Variants in PROX1 observed in about 807,000 individuals in gnomAD.
The protein encoded by PROX1 is prospero homeobox 1.
A neutral mutation model predicts 58.8 loss-of-function variants in PROX1; 7 were observed. The ratio of observed to expected loss-of-function variants is 0.12; its 90% confidence interval spans 0.07 to 0.22. PROX1 has a LOEUF of 0.22. Ranked by LOEUF, PROX1 falls within the 10% of genes least tolerant of loss-of-function variation. The pLI is 1.00. For missense variants in PROX1, 675 were observed against 927.8 expected (o/e 0.73, Z 3.54); for synonymous variants, 350 against 358.3 (o/e 0.98, Z 0.26).
intron 1 of PROX1, chr1:213,989,703 C>T (rs1662952083): frequency 6.5e-6 from 1 of 152,754 alleles, no homozygotes. Context: ...GTTGATTCTT[C>T]TGGTGTGCCA....
At chr1:214,028,011 C>T (rs559974669) in intron 4 of PROX1, among the ~76,000 whole-genome samples, 3 of 151,792 alleles carry the variant, frequency 2.0e-5, no homozygotes, top group South Asian at 4.2e-4. Context: ...CATATTTAAA[C>T]AGCAAAACAT....
intron 3 of PROX1, 110 bp downstream of exon 3, chr1:214,005,382 G>T: frequency 1.2e-6 from 1 of 800,486 alleles, no homozygotes; most frequent in Non-Finnish European, 2.0e-6. Flanking sequence ...TCCTACACCT[G>T]TGTTATAATT....
chr1:214,023,754 G>T (rs1393717259), intron 4 of PROX1, among the ~76,000 whole-genome samples: 1 of 152,106 alleles, frequency 6.6e-6, no homozygotes, highest in African/African-American at 2.4e-5. Flanking sequence ...TATGGCTATT[G>T]CACCTAAGTT....
intron 2 of PROX1, among the ~76,000 whole-genome samples, chr1:214,000,562 G>A (rs1013695981): frequency 1.3e-5 from 2 of 151,990 alleles, no homozygotes; most frequent in African/African-American, 4.8e-5. Flanking sequence ...AAATAATGTC[G>A]GCCTCTCGTG....
At chr1:214,004,677 T>G (rs1273073870) in intron 2 of PROX1, among the ~76,000 whole-genome samples, 1 of 152,228 alleles carries the variant, frequency 6.6e-6, no homozygotes. Flanking sequence ...GAAACTTGCA[T>G]AGCAGTGTTC....
In PROX1 at chr1:213,996,569, C is replaced by T. The variant is rs1417147452; in HGVS notation, c.34C>T (p.Arg12Trp). Residue 12 changes from arginine to tryptophan, a missense_variant, in exon 2 of 5, where the codon CGG becomes TGG. By Grantham distance (101) the Arg-to-Trp change is moderately radical. Coordinates refer to ENST00000366958, the MANE Select transcript of PROX1 (RefSeq NM_001270616.2). ...PDHDSTALLS[R>W]QTKRRRVDIG... is the part of the protein sequence containing the mutation. ...CCATGACAGCACAGCCCTCTTAAGC[C>T]GGCAAACCAAGAGGAGAAGAGTTGA... 1.9e-6 allele frequency: 3 copies of T among 1,614,044 alleles called. No individual in the cohort carries two copies. Among genetic ancestry groups the T allele is most frequent in the Non-Finnish European group, 1.7e-6 (2 of 1,179,972 alleles).
At chr1:214,003,564 G>A (rs1663600558) in intron 2 of PROX1, among the ~76,000 whole-genome samples, 1 of 152,062 alleles carries the variant, frequency 6.6e-6, no homozygotes. Flanking sequence ...AAAAACACAA[G>A]TTCAGTTAAG....
In PROX1 at chr1:214,038,478, T is replaced by C. The variant is rs929277579; in HGVS notation, c.*2644T>C. The C allele has an allele frequency of 2.0e-5, 3 of 151,948 alleles. No homozygotes were observed. The highest frequency in any genetic ancestry group is 1.9e-4 in the East Asian group (1 of 5,182). The allele number at this position is 151,948 out of a possible 1,614,324, so 9.4% of individuals were successfully genotyped here. The stretch of plus-strand genomic sequence containing the variant: ...TACTTGGGAGAAAGTTAACTTTCTA[T>C]GGTGGGATGGTGAAGGATGAGGGAC... On this transcript the variant is annotated 3_prime_UTR_variant, in exon 5 of 5. Coordinates refer to ENST00000366958, the MANE Select transcript of PROX1 (RefSeq NM_001270616.2).
intron 4 of PROX1, among the ~76,000 whole-genome samples, chr1:214,023,559 A>G (rs1480569782): frequency 6.6e-6 from 1 of 152,032 alleles, no homozygotes; most frequent in Non-Finnish European, 1.5e-5. Context: ...TACCTTCCCT[A>G]CTAAGCCTAC....
At chr1:213,994,750 AATATATATATATATATATATATAT>A (rs66460564) in intron 1 of PROX1, among the ~76,000 whole-genome samples, 7,301 of 88,354 alleles carry the variant, frequency 0.083, 561 homozygotes, top group Non-Finnish European at 0.12. Context: ...CAAGCATGCA[AATATATATATATATATATATATAT>A]ATATATATAT....
At position 213,998,156 on chromosome 1, in the gene PROX1, G is replaced by A. The variant is rs1387035969; in HGVS notation, c.1621G>A (p.Ala541Thr). The change falls in exon 2 of 5, where the codon GCA becomes ACA. Residue 541 changes from alanine to threonine, a missense_variant. Coordinates refer to ENST00000366958, the MANE Select transcript of PROX1 (RefSeq NM_001270616.2). The stretch of plus-strand genomic sequence containing the variant: ...CCTGAGCCACCACCCTTGTTCACCA[G>A]CACACCCGCCCAGCACCGCCGAAGG... Reference protein sequence around the residue: ...HHLSHHPCSPAHPPSTAEGLS... With the variant: ...HHLSHHPCSPTHPPSTAEGLS... The A allele has an allele frequency of 4.3e-6, 7 of 1,614,214 alleles. No individual in the cohort carries two copies. Among genetic ancestry groups the A allele is most frequent in the South Asian group, 3.3e-5 (3 of 91,080 alleles).
At chr1:213,996,154 G>A (rs992785876) in intron 1 of PROX1, among the ~76,000 whole-genome samples, 2 of 152,018 alleles carry the variant, frequency 1.3e-5, no homozygotes, top group African/African-American at 4.8e-5. Context: ...GTTGTCAGAG[G>A]CTGTGTTCTT....
chr1:213,997,821 T>A lies in PROX1; in HGVS notation c.1286T>A (p.Met429Lys). The part of the protein sequence containing the change: ...NPLDTFGNVQ[M>K]ASSTDQTEAL... Reference sequence around the variant, plus strand: ...CTGGACACCTTTGGCAATGTGCAGATGGCCAGTTCCACTGACCAGACAGAA... The same window carrying A: ...CTGGACACCTTTGGCAATGTGCAGAAGGCCAGTTCCACTGACCAGACAGAA... Residue 429 changes from methionine (M) to lysine (K), a missense_variant, in exon 2 of 5, where the codon ATG (methionine) becomes AAG (lysine). By Grantham distance (95) the Met-to-Lys change is moderately conservative. Coordinates refer to ENST00000366958, the MANE Select transcript of PROX1 (RefSeq NM_001270616.2). This position sits in a 1 kb window ranked among gnomAD's most constrained non-coding sequence, Gnocchi z 7.1. 1 of 1,614,230 alleles carries A rather than the reference T, an allele frequency of 6.2e-7. No homozygotes were observed.
At chr1:213,998,365 G>GA (rs1663366245) in intron 2 of PROX1, 105 bp downstream of exon 2, 1 of 1,296,710 alleles carries the variant, frequency 7.7e-7, no homozygotes. Flanking sequence ...ATCTTCTTAA[G>GA]AAGGCAACCT....
At chr1:214,014,228 A>C (rs1305006812) in intron 4 of PROX1, among the ~76,000 whole-genome samples, 3 of 152,110 alleles carry the variant, frequency 2.0e-5, no homozygotes, top group African/African-American at 7.2e-5. Context: ...TCAGCTGAAT[A>C]CCTCCACTGA....
chr1:214,023,497 C>T (rs1664353561), intron 4 of PROX1, among the ~76,000 whole-genome samples: 1 of 152,168 alleles, frequency 6.6e-6, no homozygotes, highest in Non-Finnish European at 1.5e-5. Flanking sequence ...GCTGGGATTA[C>T]AGGTGTGCAT....
chr1:214,036,068 C>T lies in PROX1; in HGVS notation c.*234C>T, dbSNP rs761725974. 7.4e-5 allele frequency: 25 copies of T among 339,530 alleles called. No individual in the cohort carries two copies. Among genetic ancestry groups the T allele is most frequent in the Non-Finnish European group, 1.2e-4 (23 of 188,818 alleles). The allele number at this position is 339,530 out of a possible 1,614,324, so 21.0% of individuals were successfully genotyped here. A position where few individuals can be genotyped will look rare whatever the true frequency, so the allele number is the denominator to read the frequency against. On this transcript the variant is annotated 3_prime_UTR_variant, in exon 5 of 5. Transcript: ENST00000366958. ...GTTTGCTTTTGCCCAAGGCCCTTAA[C>T]ATTTGGACACTTAAAATAGGGTTAA...
At chr1:214,025,394 G>A (rs1664417267) in intron 4 of PROX1, among the ~76,000 whole-genome samples, 1 of 152,220 alleles carries the variant, frequency 6.6e-6, no homozygotes, top group Non-Finnish European at 1.5e-5. Flanking sequence ...CTAAAAGCAG[G>A]GGCTGGCAAA....
At chr1:213,988,910 A>T (rs1035690332) in intron 1 of PROX1, among the ~76,000 whole-genome samples, 1 of 151,462 alleles carries the variant, frequency 6.6e-6, no homozygotes, top group African/African-American at 2.4e-5. Flanking sequence ...TTCTCAGGAG[A>T]GAGGACCGCG....
Sources: gnomAD v4.1 joint callset for allele counts (sites outside exome capture counted in the v4.1 genomes callset) on GRCh38, gnomAD v4.1.1 for gene constraint, Gnocchi (gnomAD v3.1) non-coding constraint, MANE v1.5 for transcripts, NCBI Gene and HGNC (gene_info 2026-07-23, HGNC 2026-07-21) for gene names.